ZNF462: variants seen among roughly 807,000 people sequenced by gnomAD.
The protein encoded by ZNF462 is zinc finger protein 462, also known as zinc finger PBX1-interacting protein.
Under a neutral mutation model 201.9 loss-of-function variants are expected in ZNF462, and 10 were observed. The ratio of observed to expected loss-of-function variants is 0.05; its 90% confidence interval spans 0.03 to 0.08. The LOEUF (loss-of-function observed/expected upper bound fraction) is 0.08. Among genes scored for constraint, ZNF462 ranks in the 10% least tolerant of loss-of-function variants. ZNF462 has a pLI of 1.00. For synonymous variants in ZNF462, 1,227 were observed against 1,193.3 expected (o/e 1.03, Z -0.58); for missense variants, 2,523 against 3,168.3 (o/e 0.80, Z 4.89).
chr9:106,994,203 T>C (rs561791387), intron 10 of ZNF462, among the ~76,000 whole-genome samples: 1 of 152,256 alleles, frequency 6.6e-6, no homozygotes, highest in South Asian at 2.1e-4. Context: ...TAATTTTTTA[T>C]ATAAATGGAG....
In ZNF462 at chr9:107,011,527, C is replaced by A. The variant is rs76703695; in HGVS notation, c.*497C>A. ...AAAACAGAAAACAAAAAAAAAAAAA[C>A]TGCTTTGCATAAAACAGTCACCTGT... On this transcript the variant is annotated 3_prime_UTR_variant, in exon 13 of 13. Coordinates refer to ENST00000277225, the MANE Select transcript of ZNF462 (RefSeq NM_021224.6). The surrounding 1 kb of genome is among the most constrained non-coding windows in gnomAD (Gnocchi z 5.6). The A allele has an allele frequency of 2.7e-5, 4 of 149,970 alleles. No individual in the cohort carries two copies. Among genetic ancestry groups the A allele is most frequent in the Middle Eastern group, 3.4e-3 (1 of 290 alleles). 9.3% of individuals were successfully genotyped at this position (149,970 alleles called of 1,614,324 possible). A position where few individuals can be genotyped will look rare whatever the true frequency, so the allele number is the denominator to read the frequency against.
At chr9:106,951,267 A>T (rs1831334005) in intron 7 of ZNF462, among the ~76,000 whole-genome samples, 2 of 152,010 alleles carry the variant, frequency 1.3e-5, no homozygotes, top group South Asian at 4.2e-4. Context: ...TTCTCTTCTG[A>T]TTTTTTGGGG....
intron 1 of ZNF462, among the ~76,000 whole-genome samples, chr9:106,888,218 T>A (rs1401400355): frequency 1.3e-5 from 2 of 152,040 alleles, no homozygotes; most frequent in African/African-American, 4.8e-5. Flanking sequence ...ATTTTTTGTA[T>A]TTTTAGTAGA....
chr9:106,921,896 C>G (rs1352562233), intron 1 of ZNF462, among the ~76,000 whole-genome samples: 1 of 152,104 alleles, frequency 6.6e-6, no homozygotes, highest in Admixed American at 6.5e-5. Flanking sequence ...GTCTGGTGCA[C>G]AGTTCAATGT....
intron 9 of ZNF462, chr9:106,975,970 A>G (rs1305699278): frequency 6.6e-6 from 1 of 152,218 alleles, no homozygotes; most frequent in Admixed American, 6.5e-5. Context: ...GAAGGATACT[A>G]TTACTCTATT....
Position 106,929,522 on chromosome 9 carries a change from C to T in ZNF462, c.5610C>T (p.His1870=), listed in dbSNP as rs762900701. 3.1e-6 allele frequency: 5 copies of T among 1,614,184 alleles called. No homozygotes were observed. The highest frequency in any genetic ancestry group is 3.4e-6 in the Non-Finnish European group (4 of 1,180,044). The change falls in exon 3 of 13, where the codon CAC becomes CAT. Residue 1870 remains histidine, a synonymous_variant. Coordinates refer to ENST00000277225, the MANE Select transcript of ZNF462 (RefSeq NM_021224.6). This position sits in a 1 kb window ranked among gnomAD's most constrained non-coding sequence, Gnocchi z 8.7. The part of the protein sequence containing the change: ...ELLCMHYTDH[H]SRDLKRDFII... ...TGTGCATGCATTACACTGACCACCA[C>T]AGTCGGGACCTAAAGAGGGACTTCA...
chr9:106,957,718 G>A (rs184427503), intron 7 of ZNF462, among the ~76,000 whole-genome samples: 44 of 152,210 alleles, frequency 2.9e-4, no homozygotes, highest in Middle Eastern at 3.4e-3. Context: ...TGTATTAAGC[G>A]TCTGAGTTGA....
chr9:106,981,708 A>G lies in ZNF462; in HGVS notation c.6833-2478A>G, dbSNP rs1036267515. Among the ~76,000 whole-genome samples the G allele has an allele frequency of 6.6e-5, 10 of 152,226 alleles. No homozygotes were observed. Among genetic ancestry groups the G allele is most frequent in the Non-Finnish European group, 1.3e-4 (9 of 68,036 alleles). On this transcript the variant is annotated intron_variant, in intron 9 of 12. Coordinates refer to ENST00000277225, the MANE Select transcript of ZNF462 (RefSeq NM_021224.6). This position sits in a 1 kb window ranked among gnomAD's most constrained non-coding sequence, Gnocchi z 4.0. ...ACACATAGTGAAATTGGAAACTGCA[A>G]AGAAAACCAACCTAAGTGGTAGAGG...
chr9:106,866,342 A>C (rs550620486), intron 1 of ZNF462, among the ~76,000 whole-genome samples: 1 of 152,194 alleles, frequency 6.6e-6, no homozygotes, highest in African/African-American at 2.4e-5. Context: ...AGTAGCTGGT[A>C]GCACTGTCAC....
Position 106,925,455 on chromosome 9 carries a change from G to A in ZNF462, c.1543G>A (p.Glu515Lys). ...TGAAAGCATTTCTTCCTCACTGAAT[G>A]AAGGTGTGGTGTCTTATGAGAGCTC... Reference protein sequence around the residue: ...QSESISSSLNEGVVSYESSSI... With the variant: ...QSESISSSLNKGVVSYESSSI... The change falls in exon 3 of 13, where the codon GAA becomes AAA. Residue 515 changes from glutamate (E) to lysine (K), a missense_variant. Coordinates refer to ENST00000277225, the MANE Select transcript of ZNF462 (RefSeq NM_021224.6). This position sits in a 1 kb window ranked among gnomAD's most constrained non-coding sequence, Gnocchi z 7.9. The A allele has an allele frequency of 6.2e-7, 1 of 1,614,192 alleles. No homozygotes were observed. Among genetic ancestry groups the A allele is most frequent in the Non-Finnish European group, 8.5e-7 (1 of 1,180,034 alleles).
chr9:107,009,816 A>T lies in ZNF462; in HGVS notation c.7313+148A>T. ...GGAGGAGAGGCAATGGTGAGGAACC[A>T]AGTTTCTCCTTTTCTGTTGTTTTTT... is the stretch of plus-strand genomic sequence containing the variant. On this transcript the variant is annotated intron_variant, in intron 12 of 12. Transcript: ENST00000277225. The surrounding 1 kb of genome is among the most constrained non-coding windows in gnomAD (Gnocchi z 6.1). 8.2e-7 allele frequency: 1 copy of T among 1,213,868 alleles called. No individual in the cohort carries two copies. Among genetic ancestry groups the T allele is most frequent in the South Asian group, 1.6e-5 (1 of 61,492 alleles). 75.2% of individuals were successfully genotyped at this position (1,213,868 alleles called of 1,614,324 possible). A position where few individuals can be genotyped will look rare whatever the true frequency, so the allele number is the denominator to read the frequency against.
chr9:106,892,704 GCA>G (rs10568431), intron 1 of ZNF462, among the ~76,000 whole-genome samples: 13,824 of 131,460 alleles, frequency 0.11, 891 homozygotes, highest in African/African-American at 0.23. Context: ...ACACACACAC[GCA>G]CACACACACA....
chr9:106,957,243 G>C (rs1831620615), intron 7 of ZNF462, among the ~76,000 whole-genome samples: 1 of 152,062 alleles, frequency 6.6e-6, no homozygotes, highest in Non-Finnish European at 1.5e-5. Context: ...ATATTGTCGT[G>C]GCTCAGGGAA....
intron 1 of ZNF462, among the ~76,000 whole-genome samples, chr9:106,866,987 C>A (rs1411513179): frequency 6.6e-6 from 1 of 152,112 alleles, no homozygotes; most frequent in Admixed American, 6.5e-5. Flanking sequence ...ATCTGACAAT[C>A]TGGTTGTCAG....
chr9:106,939,822 G>C (rs1476798682), intron 7 of ZNF462, among the ~76,000 whole-genome samples: 1 of 152,206 alleles, frequency 6.6e-6, no homozygotes, highest in South Asian at 2.1e-4. Context: ...TATAAGACCA[G>C]GAAGCAGACC....
intron 1 of ZNF462, among the ~76,000 whole-genome samples, chr9:106,899,260 A>G (rs1828954418): frequency 7.5e-6 from 1 of 132,984 alleles, no homozygotes; most frequent in Non-Finnish European, 1.6e-5. Flanking sequence ...GGGTGTGTGC[A>G]TGCATGCATG....
At chr9:106,899,174 A>C (rs2131153522) in intron 1 of ZNF462, among the ~76,000 whole-genome samples, 1 of 142,670 alleles carries the variant, frequency 7.0e-6, no homozygotes, top group African/African-American at 2.6e-5. Flanking sequence ...CTAGAGAAGA[A>C]GTTAGGCCAG....
intron 10 of ZNF462, among the ~76,000 whole-genome samples, chr9:106,992,777 G>A (rs1231222643): frequency 1.3e-5 from 2 of 152,210 alleles, no homozygotes; most frequent in Non-Finnish European, 2.9e-5. Flanking sequence ...AGTGATGAGA[G>A]TGTTCTTAAA....
intron 1 of ZNF462, among the ~76,000 whole-genome samples, chr9:106,898,363 A>G (rs1445363718): frequency 3.3e-5 from 5 of 152,158 alleles, no homozygotes; most frequent in South Asian, 4.1e-4. Context: ...GTGCCAGGAA[A>G]GGCCTTCTAG....
Sources: allele counts gnomAD v4.1 joint callset (sites outside exome capture counted in the v4.1 genomes callset), GRCh38; gene constraint gnomAD v4.1.1; non-coding constraint Gnocchi (gnomAD v3.1); transcripts MANE v1.5; gene names NCBI Gene and HGNC (gene_info 2026-07-23, HGNC 2026-07-21).